ANAPC4: variants seen among roughly 807,000 people sequenced by gnomAD.
ANAPC4 encodes the protein anaphase promoting complex subunit 4.
A neutral mutation model predicts 119.8 loss-of-function variants in ANAPC4; 63 were observed. The observed-to-expected ratio is 0.53, with a 90% CI of 0.43 to 0.65. The LOEUF (loss-of-function observed/expected upper bound fraction) is 0.65, where lower values mean the gene tolerates loss of function less well. Ranked by LOEUF, ANAPC4 falls within the 30% of genes least tolerant of loss-of-function variation. The probability of loss-of-function intolerance (pLI) is 0.00; values close to 1 mark genes in which losing one functional copy is unlikely to be tolerated. For missense variants in ANAPC4, 716 were observed against 945.1 expected (o/e 0.76, Z 3.18); for synonymous variants, 283 against 318.6 (o/e 0.89, Z 1.19).
chr4:25,387,743 AGG>A (rs1487945496), intron 4 of ANAPC4, among the ~76,000 whole-genome samples: 2 of 152,210 alleles, frequency 1.3e-5, no homozygotes, highest in Non-Finnish European at 2.9e-5. Flanking sequence ...GAGAAGGAAA[AGG>A]GGGTAAATAA....
chr4:25,388,635 C>G, intron 5 of ANAPC4, 61 bp downstream of exon 5: 1 of 1,554,640 alleles, frequency 6.4e-7, no homozygotes, highest in African/African-American at 1.4e-5. Context: ...CTGCTTTTAA[C>G]ACTGTGACAA....
intron 27 of ANAPC4, chr4:25,417,367 C>A: frequency 3.9e-6 from 1 of 253,544 alleles, no homozygotes; most frequent in Non-Finnish European, 7.4e-6. Context: ...GCAATCCTCC[C>A]ACCTTGGCCT....
intron 20 of ANAPC4, among the ~76,000 whole-genome samples, chr4:25,407,638 G>T (rs1209228715): frequency 6.6e-6 from 1 of 151,970 alleles, no homozygotes; most frequent in East Asian, 1.9e-4. Flanking sequence ...GACTAGAAAA[G>T]AGCTTTTGTT....
chr4:25,406,071 G>A (rs543493858), intron 18 of ANAPC4, among the ~76,000 whole-genome samples: 2 of 152,254 alleles, frequency 1.3e-5, no homozygotes, highest in South Asian at 2.1e-4. Flanking sequence ...GAAGTCTTAC[G>A]GAATAGGGCA....
intron 4 of ANAPC4, 124 bp downstream of exon 4, chr4:25,383,517 T>A: frequency 4.3e-6 from 4 of 927,676 alleles, no homozygotes; most frequent in Non-Finnish European, 5.8e-6. Context: ...TTTCAGTTTA[T>A]CAAGATGAAA....
Position 25,407,242 on chromosome 4 carries a change from A to G in ANAPC4, c.1420A>G (p.Arg474Gly), listed in dbSNP as rs143912823. 3 of 1,608,546 alleles carry G rather than the reference A, an allele frequency of 1.9e-6. No homozygotes were observed. Among genetic ancestry groups the G allele is most frequent in the Non-Finnish European group, 8.5e-7 (1 of 1,178,234 alleles). The change falls in exon 20 of 29, where the codon AGA becomes GGA. Residue 474 changes from arginine (R) to glycine (G), a missense_variant. Arg to Gly is a moderately radical substitution (Grantham distance 125). Around this residue, in one of 3 missense-constraint regions of ANAPC4, gnomAD observed 504 missense variants for 615.8 expected, o/e 0.82. Transcript: ENST00000315368. ...NRKGKYFNVE[R>G]VGQYLKDEDD... ...AAAAGGAAAATACTTTAACGTTGAAAGAGTTGGTCAGGTATGGGCTTTGAA... is the reference window on the plus strand; with the variant it reads ...AAAAGGAAAATACTTTAACGTTGAAGGAGTTGGTCAGGTATGGGCTTTGAA...
At chr4:25,410,225 A>G (rs1723487356) in intron 21 of ANAPC4, among the ~76,000 whole-genome samples, 1 of 152,148 alleles carries the variant, frequency 6.6e-6, no homozygotes, top group Non-Finnish European at 1.5e-5. Context: ...TTCATTTTCT[A>G]GAATGTCAGA....
At position 25,416,454 on chromosome 4, in the gene ANAPC4, A is replaced by T. The variant is rs758665567; in HGVS notation, c.1931A>T (p.Tyr644Phe). 3.8e-6 allele frequency: 6 copies of T among 1,580,594 alleles called. No homozygotes were observed. The South Asian group carries it at 7.0e-5, about 19-fold the overall frequency. Residue 644 changes from tyrosine to phenylalanine, a missense_variant, in exon 27 of 29, where the codon TAT (tyrosine) becomes TTT (phenylalanine). By Grantham distance (22) the Tyr-to-Phe change is conservative (BLOSUM62 3). Around this residue, in one of 3 missense-constraint regions of ANAPC4, gnomAD observed 504 missense variants for 615.8 expected, o/e 0.82. Coordinates refer to ENST00000315368, the MANE Select transcript of ANAPC4 (RefSeq NM_013367.3). Reference protein sequence around the residue: ...SIYSCLDAQFYDDETVTVVLK... With the variant: ...SIYSCLDAQFFDDETVTVVLK... ...TACAGTTGTTTAGATGCACAGTTTT[A>T]TGATGATGAAACTGTAACAGTAGTT...
chr4:25,392,335 C>T lies in ANAPC4; in HGVS notation c.706-3C>T, dbSNP rs1209318408. The T allele has an allele frequency of 1.2e-6, 2 of 1,606,880 alleles. No individual in the cohort carries two copies. The highest frequency in any genetic ancestry group is 8.5e-7 in the Non-Finnish European group (1 of 1,174,234). Reference sequence around the variant, plus strand: ...GACTCACTTTACTCTTTTGATTTTACAGCTTGAAACTAATCTGTTGTACTC... The same window carrying T: ...GACTCACTTTACTCTTTTGATTTTATAGCTTGAAACTAATCTGTTGTACTC... On this transcript the variant is annotated splice_polypyrimidine_tract_variant and splice_region_variant and intron_variant, in intron 9 of 28. Coordinates refer to ENST00000315368, the MANE Select transcript of ANAPC4 (RefSeq NM_013367.3).
In ANAPC4 at chr4:25,377,313, C is replaced by G. The variant is rs1038818720; in HGVS notation, c.-42C>G. On this transcript the variant is annotated 5_prime_UTR_variant, in exon 1 of 29. Coordinates refer to ENST00000315368, the MANE Select transcript of ANAPC4 (RefSeq NM_013367.3). ...AGAGGGAGGGGAGAGGCCACTGGGG[C>G]CGTGTTAGTCTGCCGGTGGGGACTC... The G allele has an allele frequency of 2.6e-5, 36 of 1,409,656 alleles. No individual in the cohort carries two copies. The highest frequency in any genetic ancestry group is 3.0e-5 in the Non-Finnish European group (32 of 1,051,330). The allele number at this position is 1,409,656 out of a possible 1,614,324, so 87.3% of individuals were successfully genotyped here. A position where few individuals can be genotyped will look rare whatever the true frequency, so the allele number is the denominator to read the frequency against.
chr4:25,393,991 C>T, intron 11 of ANAPC4, 100 bp downstream of exon 11: 1 of 982,994 alleles, frequency 1.0e-6, no homozygotes, highest in Non-Finnish European at 1.5e-6. Context: ...TCATAAAAGG[C>T]TAAGATCATA....
chr4:25,413,669 A>G lies in ANAPC4; in HGVS notation c.1550A>G (p.Tyr517Cys). Residue 517 changes from tyrosine (Y) to cysteine (C), a missense_variant, in exon 22 of 29, where the codon TAT becomes TGT. Physicochemically the swap from Tyr to Cys is radical, Grantham distance 194. Around this residue, in one of 3 missense-constraint regions of ANAPC4, gnomAD observed 504 missense variants for 615.8 expected, o/e 0.82. Coordinates refer to ENST00000315368, the MANE Select transcript of ANAPC4 (RefSeq NM_013367.3). ...GAAAGTCCTTTGCTGTTTCCTTATTATCCTCGAAAATCATTGCATTTTGTG... is the reference window on the plus strand; with the variant it reads ...GAAAGTCCTTTGCTGTTTCCTTATTGTCCTCGAAAATCATTGCATTTTGTG... ...LKESPLLFPY[Y>C]PRKSLHFVKR... 6.2e-7 allele frequency: 1 copy of G among 1,613,318 alleles called. No individual in the cohort carries two copies. Among genetic ancestry groups the G allele is most frequent in the Non-Finnish European group, 8.5e-7 (1 of 1,179,622 alleles).
At chr4:25,413,501 G>A in intron 21 of ANAPC4, 144 bp from the exon 22 acceptor site, 1 of 539,996 alleles carries the variant, frequency 1.9e-6, no homozygotes, top group South Asian at 2.7e-5. Context: ...TAATGAGGTT[G>A]TGTGAAAATC....
intron 18 of ANAPC4, 47 bp from the exon 19 acceptor site, chr4:25,406,782 C>T: frequency 7.3e-7 from 1 of 1,362,320 alleles, no homozygotes; most frequent in South Asian, 1.3e-5. Context: ...TTTTATTGAG[C>T]AGCTTTCTTT....
At position 25,394,301 on chromosome 4, in the gene ANAPC4, T is replaced by C. The variant is rs1360956763; in HGVS notation, c.877-9T>C. 9.5e-6 allele frequency: 15 copies of C among 1,577,222 alleles called. No individual in the cohort carries two copies. The East Asian group carries it at 3.5e-4, about 36-fold the overall frequency. ...CATATATCACAATTTTTTTTTCACTTTTTTCCAGGAAAAGAACACAACCAC... is the reference window on the plus strand; with the variant it reads ...CATATATCACAATTTTTTTTTCACTCTTTTCCAGGAAAAGAACACAACCAC... On this transcript the variant is annotated splice_polypyrimidine_tract_variant and intron_variant, in intron 11 of 28. Coordinates refer to ENST00000315368, the MANE Select transcript of ANAPC4 (RefSeq NM_013367.3).
At chr4:25,414,767 A>T in intron 25 of ANAPC4, 67 bp downstream of exon 25, 1 of 1,319,352 alleles carries the variant, frequency 7.6e-7, no homozygotes, top group South Asian at 1.9e-5. Context: ...TGAAGCATAC[A>T]GCCTTCCAGC....
chr4:25,389,165 T>TA (rs1350662669), intron 7 of ANAPC4, among the ~76,000 whole-genome samples: 2 of 150,430 alleles, frequency 1.3e-5, no homozygotes, highest in Non-Finnish European at 3.0e-5. Context: ...GCTAATTTTT[T>TA]TTTTTTTTTT....
chr4:25,409,326 A>G (rs1156933852), intron 20 of ANAPC4, among the ~76,000 whole-genome samples: 1 of 152,240 alleles, frequency 6.6e-6, no homozygotes, highest in African/African-American at 2.4e-5. Context: ...TGATCTCTAC[A>G]TCTACAACAT....
chr4:25,408,741 C>G (rs546735825), intron 20 of ANAPC4, among the ~76,000 whole-genome samples: 1 of 151,908 alleles, frequency 6.6e-6, no homozygotes, highest in African/African-American at 2.4e-5. Flanking sequence ...TCAAGTGATA[C>G]GCCTGCCATG....
Sources: gnomAD v4.1 joint callset for allele counts (sites outside exome capture counted in the v4.1 genomes callset) on GRCh38, gnomAD v4.1.1 for gene constraint, gnomAD v4.1.1 regional missense constraint, MANE v1.5 for transcripts, NCBI Gene and HGNC (gene_info 2026-07-23, HGNC 2026-07-21) for gene names.